Variants in PLA2G4E observed in about 807,000 individuals in gnomAD.
The protein encoded by PLA2G4E is cytosolic phospholipase A2 epsilon.
PLA2G4E carries 84 observed loss-of-function variants against 109.1 expected under a neutral mutation model. That is an observed-to-expected ratio of 0.77 (90% CI 0.65 to 0.92). The LOEUF (loss-of-function observed/expected upper bound fraction) is 0.92, where lower values mean the gene tolerates loss of function less well. Among genes scored for constraint, PLA2G4E ranks in the 40% least tolerant of loss-of-function variants. PLA2G4E has a pLI of 0.00. For missense variants in PLA2G4E, 1,057 were observed against 1,076.6 expected, an observed-to-expected ratio of 0.98 and a Z score of 0.25; for synonymous variants, 469 against 436.1, an observed-to-expected ratio of 1.08 and a Z score of -0.94.
chr15:41,997,178 C>T (rs2068356394), exon 11 of PLA2G4E: 2 of 1,563,416 alleles, frequency 1.3e-6, no homozygotes, highest in African/African-American at 2.7e-5. Flanking sequence ...GGGCCTTGGC[C>T]ACCACGACCT....
At chr15:42,027,624 A>G (rs989516137) in intron 1 of PLA2G4E, among the ~76,000 whole-genome samples, 26 of 152,228 alleles carry the variant, frequency 1.7e-4, no homozygotes, top group Admixed American at 1.6e-3. Context: ...GCCGGATTCA[A>G]GCCTGCCCCT....
At chr15:42,028,502 C>T (rs1425797728) in intron 1 of PLA2G4E, among the ~76,000 whole-genome samples, 3 of 151,906 alleles carry the variant, frequency 2.0e-5, no homozygotes, top group Non-Finnish European at 4.4e-5. Context: ...CACCTCCTGG[C>T]TTCAAGCAAT....
intron 1 of PLA2G4E, among the ~76,000 whole-genome samples, chr15:42,046,609 G>C (rs1400354897): frequency 6.6e-6 from 1 of 152,192 alleles, no homozygotes; most frequent in East Asian, 1.9e-4. Flanking sequence ...ATCAGAAATA[G>C]TCAGATATTT....
At chr15:42,028,384 C>CTTAT (rs59541409) in intron 1 of PLA2G4E, among the ~76,000 whole-genome samples, 587 of 25,760 alleles carry the variant, frequency 0.023, 4 homozygotes, top group Middle Eastern at 0.14. Flanking sequence ...TATTTATTTA[C>CTTAT]TTATTTATTT....
At chr15:42,017,672 C>T (rs1419667893) in intron 1 of PLA2G4E, among the ~76,000 whole-genome samples, 2 of 152,204 alleles carry the variant, frequency 1.3e-5, no homozygotes, top group African/African-American at 4.8e-5. Flanking sequence ...TTCATCTCCT[C>T]TTCCTTGCTT....
intron 1 of PLA2G4E, among the ~76,000 whole-genome samples, chr15:42,033,069 A>G (rs1306502781): frequency 1.3e-5 from 2 of 151,828 alleles, no homozygotes; most frequent in African/African-American, 2.4e-5. Context: ...GTGTTGTATG[A>G]GTGTGCTGTG....
rs988134264 is a variant in PLA2G4E at position 42,047,452 on chromosome 15, C to T, written c.183+3069G>A. ...TATAACAATCCCACTCTCAGTGACT[C>T]CCATGAAAACGACATGAATTCATCC... On this transcript the variant is annotated intron_variant, in intron 1 of 19. Coordinates refer to ENST00000399518, the Ensembl canonical transcript of PLA2G4E. Among the ~76,000 whole-genome samples, 3 of 152,226 alleles carry T rather than the reference C, an allele frequency of 2.0e-5. No individual in the cohort carries two copies. In the South Asian group the frequency reaches 6.2e-4, roughly 32 times the overall value.
At chr15:42,026,553 A>G (rs1005052793) in intron 1 of PLA2G4E, among the ~76,000 whole-genome samples, 7 of 152,236 alleles carry the variant, frequency 4.6e-5, no homozygotes, top group African/African-American at 1.7e-4. Flanking sequence ...GTTGGTGGGA[A>G]TATGGGAATA....
At position 42,042,769 on chromosome 15, in the gene PLA2G4E, T is replaced by G. The variant is rs116581463; in HGVS notation, c.183+7752A>C. Reference sequence around the variant, plus strand: ...TGCCCACCAACCAGATCCTTCTCTTTGCCTTGGGTGAAACATCCACTCATT... The same window carrying G: ...TGCCCACCAACCAGATCCTTCTCTTGGCCTTGGGTGAAACATCCACTCATT... On this transcript the variant is annotated intron_variant, in intron 1 of 19. Coordinates refer to ENST00000399518, the Ensembl canonical transcript of PLA2G4E. Among the ~76,000 whole-genome samples the G allele has an allele frequency of 9.3e-3, 1,424 of 152,316 alleles. 22 individuals carry two copies. Among genetic ancestry groups the G allele is most frequent in the African/African-American group, 0.033 (1,368 of 41,558 alleles).
Position 41,985,823 on chromosome 15 carries a change from G to C in PLA2G4E, c.2202+16C>G. Reference sequence around the variant, plus strand: ...GAGGCTGCAGCCCATGCTCAGGAGGGAGGCTGCGCACTTGCCTTTGTCTGG... The same window carrying C: ...GAGGCTGCAGCCCATGCTCAGGAGGCAGGCTGCGCACTTGCCTTTGTCTGG... On this transcript the variant is annotated intron_variant, in intron 18 of 19. Transcript: ENST00000399518. 1 of 1,603,714 alleles carries C rather than the reference G, an allele frequency of 6.2e-7. No individual in the cohort carries two copies.
At position 42,043,708 on chromosome 15, in the gene PLA2G4E, C is replaced by T. The variant is rs376419616; in HGVS notation, c.183+6813G>A. ...ATCTAGAGTTAGAGAGACCCGAGTG[C>T]GTATCTTGGCTCTGGCACTTACTGG... On this transcript the variant is annotated intron_variant, in intron 1 of 19. Coordinates refer to ENST00000399518, the Ensembl canonical transcript of PLA2G4E. Among the ~76,000 whole-genome samples, 21 of 152,094 alleles carry T rather than the reference C, an allele frequency of 1.4e-4. No homozygotes were observed. In the South Asian group the frequency reaches 2.7e-3, roughly 20 times the overall value.
intron 13 of PLA2G4E, among the ~76,000 whole-genome samples, chr15:41,991,601 G>T (rs2068249627): frequency 6.6e-6 from 1 of 152,180 alleles, no homozygotes; most frequent in Non-Finnish European, 1.5e-5. Context: ...CCATTTGCCA[G>T]CGCAGTTCCT....
intron 3 of PLA2G4E, 113 bp from the exon 4 acceptor site, chr15:42,006,234 C>G: frequency 7.3e-7 from 1 of 1,374,116 alleles, no homozygotes; most frequent in Non-Finnish European, 1.0e-6. Context: ...GGATGGGAGA[C>G]AGCCCAGAAG....
chr15:41,994,733 CTG>C (rs1413969626), intron 12 of PLA2G4E, among the ~76,000 whole-genome samples: 1 of 152,214 alleles, frequency 6.6e-6, no homozygotes, highest in Non-Finnish European at 1.5e-5. Flanking sequence ...TATTTCATGA[CTG>C]TTGTATAAAG....
rs538112505 is a variant in PLA2G4E, at chr15:42,026,089, A to G, written c.184-12332T>C. Reference sequence around the variant, plus strand: ...ATGCCATAAGCAGAGTTCCACCTCTACAATAGATCTCACGTTTCCCCTCTT... The same window carrying G: ...ATGCCATAAGCAGAGTTCCACCTCTGCAATAGATCTCACGTTTCCCCTCTT... On this transcript the variant is annotated intron_variant, in intron 1 of 19. Coordinates refer to ENST00000399518, the Ensembl canonical transcript of PLA2G4E. Among the ~76,000 whole-genome samples, 3 of 152,348 alleles carry G rather than the reference A, an allele frequency of 2.0e-5. No individual in the cohort carries two copies. The East Asian group carries it at 5.8e-4, about 29-fold the overall frequency.
At chr15:41,995,854 TA>T (rs747032734) in intron 11 of PLA2G4E, among the ~76,000 whole-genome samples, 1 of 152,204 alleles carries the variant, frequency 6.6e-6, no homozygotes, top group East Asian at 1.9e-4. Flanking sequence ...TCAAGAACCC[TA>T]CTAATGTGCG....
At chr15:41,999,612 G>A in intron 9 of PLA2G4E, 51 bp from the exon 10 acceptor site, 1 of 1,599,094 alleles carries the variant, frequency 6.3e-7, no homozygotes, top group Non-Finnish European at 8.5e-7. Flanking sequence ...TCAGAGCCAA[G>A]TGATCCCAGA....
chr15:42,047,446 G>A (rs1445444501), intron 1 of PLA2G4E, among the ~76,000 whole-genome samples: 1 of 147,764 alleles, frequency 6.8e-6, no homozygotes, highest in Non-Finnish European at 1.5e-5. Context: ...CCCACTCTCA[G>A]TGACTCCCAT....
rs187304844 is a variant in PLA2G4E, at chr15:42,045,867, G to A, written c.183+4654C>T. ...TGAGTTCCAGACTTGTATTTTCAAC[G>A]GCCCACCTGACATCTCTGCTTAGAT... On this transcript the variant is annotated intron_variant, in intron 1 of 19. Transcript: ENST00000399518. Among the ~76,000 whole-genome samples the A allele has an allele frequency of 6.6e-5, 10 of 152,070 alleles. No homozygotes were observed. The East Asian group carries it at 1.4e-3, about 21-fold the overall frequency.
Sources: gnomAD v4.1 joint callset for allele counts (sites outside exome capture counted in the v4.1 genomes callset) on GRCh38, gnomAD v4.1.1 for gene constraint, MANE v1.5 for transcripts, NCBI Gene and HGNC (gene_info 2026-07-23, HGNC 2026-07-21) for gene names.